Variants in IRS2 observed in about 807,000 individuals in gnomAD.
The protein encoded by IRS2 is insulin receptor substrate 2.
IRS2 carries 28 observed loss-of-function variants against 70.9 expected under a neutral mutation model. The observed-to-expected ratio is 0.39, with a 90% CI of 0.29 to 0.54. The LOEUF (loss-of-function observed/expected upper bound fraction) is 0.54. Ranked by LOEUF, IRS2 falls within the 20% of genes least tolerant of loss-of-function variation. IRS2 has a pLI of 0.59. For missense variants in IRS2, 2,081 were observed against 2,024.1 expected, an observed-to-expected ratio of 1.03 and a Z score of -0.54; for synonymous variants, 1,217 against 981.9, an observed-to-expected ratio of 1.24 and a Z score of -4.48.
chr13:109,784,683 G>C lies in IRS2; in HGVS notation c.1371C>G (p.Gly457=), dbSNP rs1877857549. The change falls in exon 1 of 2, where the codon GGC becomes GGG. Residue 457 remains glycine (G), a synonymous_variant. Coordinates refer to ENST00000375856, the MANE Select transcript of IRS2 (RefSeq NM_003749.3). This position sits in a 1 kb window ranked among gnomAD's most constrained non-coding sequence, Gnocchi z 5.2. ...GCGGGCCGGGCGGCGGCGGGTAGGA[G>C]CCCGAGCCGTGGCCGCTGCTGGACG... ...SLSSSSGHGS[G]SYPPPPGPHP... The C allele has an allele frequency of 5.6e-6, 7 of 1,239,452 alleles. No homozygotes were observed. Among genetic ancestry groups the C allele is most frequent in the Non-Finnish European group, 7.0e-6 (7 of 994,614 alleles). 76.8% of individuals were successfully genotyped at this position (1,239,452 alleles called of 1,614,324 possible). A position where few individuals can be genotyped will look rare whatever the true frequency, so the allele number is the denominator to read the frequency against.
In IRS2 at chr13:109,783,090, A is replaced by T. The variant is rs1369325456; in HGVS notation, c.2964T>A (p.Ser988=). ...GGCCGCTCGGGGCGCCCGGCTTAGG[A>T]GACTTGGGGGAGCTGAAGTCGAGGT... ...YMNLDFSSPK[S]PKPGAPSGHP... Residue 988 remains serine, a synonymous_variant, in exon 1 of 2, where the codon TCT becomes TCA. Transcript: ENST00000375856. The T allele has an allele frequency of 3.6e-6, 5 of 1,389,286 alleles. No individual in the cohort carries two copies. The highest frequency in any genetic ancestry group is 4.6e-6 in the Non-Finnish European group (5 of 1,078,670). The allele number at this position is 1,389,286 out of a possible 1,614,324, so 86.1% of individuals were successfully genotyped here.
Position 109,784,469 on chromosome 13 carries a change from G to T in IRS2, c.1585C>A (p.Pro529Thr). Residue 529 changes from proline (P) to threonine (T), a missense_variant, in exon 1 of 2, where the codon CCG becomes ACG. Physicochemically the swap from Pro to Thr is conservative, Grantham distance 38. Transcript: ENST00000375856. This position sits in a 1 kb window ranked among gnomAD's most constrained non-coding sequence, Gnocchi z 5.2. ...NTPESIAETP[P>T]ARDGGGGGEF... ...CCGCCGCCGCCGCCGTCTCGGGCCG[G>T]GGGCGTCTCCGCGATGGACTCGGGC... 2 of 1,582,312 alleles carry T rather than the reference G, an allele frequency of 1.3e-6. No individual in the cohort carries two copies. Among genetic ancestry groups the T allele is most frequent in the Non-Finnish European group, 1.7e-6 (2 of 1,161,650 alleles).
chr13:109,774,293 A>G (rs1362005903), intron 1 of IRS2, among the ~76,000 whole-genome samples: 1 of 152,216 alleles, frequency 6.6e-6, no homozygotes, highest in Non-Finnish European at 1.5e-5. Context: ...GAACAGATCC[A>G]TCACCAACTT....
intron 1 of IRS2, among the ~76,000 whole-genome samples, chr13:109,771,261 G>T (rs1272238134): frequency 6.6e-6 from 1 of 151,740 alleles, no homozygotes; most frequent in Non-Finnish European, 1.5e-5. Context: ...ATCTAAAAGG[G>T]TTTTGTGTAG....
chr13:109,784,028 T>C lies in IRS2; in HGVS notation c.2026A>G (p.Met676Val). The C allele has an allele frequency of 6.5e-7, 1 of 1,539,564 alleles. No individual in the cohort carries two copies. Residue 676 changes from methionine to valine, a missense_variant, in exon 1 of 2, where the codon ATG becomes GTG. By Grantham distance (21) the Met-to-Val change is conservative. Transcript: ENST00000375856. This position sits in a 1 kb window ranked among gnomAD's most constrained non-coding sequence, Gnocchi z 5.2. ...GSGSCRSDDY[M>V]PMSPASVSAP... ...GACACGCTGGCGGGGCTCATGGGCA[T>C]GTAGTCGTCGCTCCTGCAGCTGCCG...
chr13:109,785,174 G>A lies in IRS2; in HGVS notation c.880C>T (p.Leu294Phe). The change falls in exon 1 of 2, where the codon CTC (leucine) becomes TTC (phenylalanine). Residue 294 changes from leucine to phenylalanine, a missense_variant. Coordinates refer to ENST00000375856, the MANE Select transcript of IRS2 (RefSeq NM_003749.3). This position sits in a 1 kb window ranked among gnomAD's most constrained non-coding sequence, Gnocchi z 9.3. Reference sequence around the variant, plus strand: ...GGCCGGAACTCGAAGAGCTCCTTGAGCGCCTTCATGGCCTCCAGGATGGTC... The same window carrying A: ...GGCCGGAACTCGAAGAGCTCCTTGAACGCCTTCATGGCCTCCAGGATGGTC... ...HETILEAMKA[L>F]KELFEFRPRS... 1 of 1,601,152 alleles carries A rather than the reference G, an allele frequency of 6.2e-7. No homozygotes were observed. Among genetic ancestry groups the A allele is most frequent in the South Asian group, 1.1e-5 (1 of 89,154 alleles).
At chr13:109,779,266 G>A (rs1339649116) in intron 1 of IRS2, among the ~76,000 whole-genome samples, 1 of 152,170 alleles carries the variant, frequency 6.6e-6, no homozygotes, top group Non-Finnish European at 1.5e-5. Context: ...CATCACTAAC[G>A]AGGTCTTCCC....
chr13:109,778,863 A>T (rs1877635901), intron 1 of IRS2, among the ~76,000 whole-genome samples: 1 of 152,220 alleles, frequency 6.6e-6, no homozygotes, highest in African/African-American at 2.4e-5. Flanking sequence ...TATGGCATTC[A>T]TCAATCTACC....
intron 1 of IRS2, among the ~76,000 whole-genome samples, chr13:109,769,926 C>G (rs1481566721): frequency 6.6e-6 from 1 of 152,134 alleles, no homozygotes; most frequent in Admixed American, 6.5e-5. Context: ...CCTTTCTGCC[C>G]CCAACTTTCT....
intron 1 of IRS2, among the ~76,000 whole-genome samples, chr13:109,781,430 C>T (rs966052509): frequency 2.0e-5 from 3 of 152,230 alleles, no homozygotes; most frequent in African/African-American, 4.8e-5. Flanking sequence ...TACCGTTTCA[C>T]CCCTTCCGAG....
chr13:109,773,448 G>A (rs1271001472), intron 1 of IRS2, among the ~76,000 whole-genome samples: 1 of 152,154 alleles, frequency 6.6e-6, no homozygotes, highest in Non-Finnish European at 1.5e-5. Flanking sequence ...GACACAGAGA[G>A]CAGTGACCGA....
chr13:109,784,005 C>T lies in IRS2; in HGVS notation c.2049G>A (p.Val683=), dbSNP rs1471570028. ...GCTGCAAGATCTGCTTGGGGGCGGA[C>T]ACGCTGGCGGGGCTCATGGGCATGT... is the stretch of plus-strand genomic sequence containing the variant. ...DDYMPMSPAS[V]SAPKQILQPR... is the part of the protein sequence containing the mutation. The change falls in exon 1 of 2, where the codon GTG becomes GTA. Residue 683 remains valine, a synonymous_variant. Coordinates refer to ENST00000375856, the MANE Select transcript of IRS2 (RefSeq NM_003749.3). This position sits in a 1 kb window ranked among gnomAD's most constrained non-coding sequence, Gnocchi z 5.2. The T allele has an allele frequency of 6.5e-7, 1 of 1,534,362 alleles. No individual in the cohort carries two copies.
At chr13:109,766,919 T>C (rs891660991) in intron 1 of IRS2, among the ~76,000 whole-genome samples, 32 of 152,272 alleles carry the variant, frequency 2.1e-4, no homozygotes, top group African/African-American at 7.2e-4. Context: ...TCTATAAAGT[T>C]ACTCAAAAAC....
rs71439381 is a variant in IRS2, at chr13:109,766,132, G to T, written c.4013-9824C>A. Reference sequence around the variant, plus strand: ...TCCCAGCCTCATCCACCTTGGCTCCGACTCCCCACCAAGCATGTAGATATC... The same window carrying T: ...TCCCAGCCTCATCCACCTTGGCTCCTACTCCCCACCAAGCATGTAGATATC... On this transcript the variant is annotated intron_variant, in intron 1 of 1. Transcript: ENST00000375856. Among the ~76,000 whole-genome samples, 40 of 9,320 alleles carry T rather than the reference G, an allele frequency of 4.3e-3. 4 individuals are homozygous for T. The highest frequency in any genetic ancestry group is 6.6e-3 in the Admixed American group (4 of 604). The allele number at this position is 9,320 out of a possible 152,430, so 6.1% of individuals were successfully genotyped here.
chr13:109,783,626 AGG>A lies in IRS2; in HGVS notation c.2426_2427del (p.Ser809LeufsTer64), dbSNP rs1566413262. On this transcript the variant is annotated frameshift_variant, in exon 1 of 2. Coordinates refer to ENST00000375856, the MANE Select transcript of IRS2 (RefSeq NM_003749.3). LOFTEE classifies it high-confidence loss of function. ...PGCCYSSLPR[S>X]YKAPYTCGGD... ...CCGCCACAGGTGTAGGGGGCCTTGT[AGG>A]AGCGGGGCAAGGAGCTGTAGCAGCA... 6.5e-7 allele frequency: 1 copy of A among 1,549,846 alleles called. No homozygotes were observed. Among genetic ancestry groups the A allele is most frequent in the Admixed American group, 1.9e-5 (1 of 51,474 alleles).
chr13:109,756,923 G>A lies in IRS2; in HGVS notation c.4013-615C>T, dbSNP rs1005779845. Among the ~76,000 whole-genome samples the A allele has an allele frequency of 4.6e-5, 7 of 152,094 alleles. No homozygotes were observed. The East Asian group carries it at 9.6e-4, about 21-fold the overall frequency. On this transcript the variant is annotated intron_variant, in intron 1 of 1. Coordinates refer to ENST00000375856, the MANE Select transcript of IRS2 (RefSeq NM_003749.3). ...GCCCAGCAATGGAAGGTTCCTGCAC[G>A]GCCTCATGTGTTGTTGCATAACCCT...
chr13:109,767,987 T>TCC (rs1291198387), intron 1 of IRS2, among the ~76,000 whole-genome samples: 3 of 152,224 alleles, frequency 2.0e-5, no homozygotes, highest in African/African-American at 7.2e-5. Flanking sequence ...AGCCTTGGTC[T>TCC]CCCAAAGTGC....
chr13:109,770,270 G>T (rs556611679), intron 1 of IRS2, among the ~76,000 whole-genome samples: 1 of 152,174 alleles, frequency 6.6e-6, no homozygotes, highest in Non-Finnish European at 1.5e-5. Context: ...AGCCTTTGGG[G>T]CTGCCTACAA....
intron 1 of IRS2, among the ~76,000 whole-genome samples, chr13:109,764,984 G>C (rs1393974959): frequency 6.6e-6 from 1 of 152,196 alleles, no homozygotes; most frequent in Non-Finnish European, 1.5e-5. Flanking sequence ...CTGAGGACAG[G>C]ACAAAATGCC....
Sources: allele counts gnomAD v4.1 joint callset (sites outside exome capture counted in the v4.1 genomes callset), GRCh38; gene constraint gnomAD v4.1.1; non-coding constraint Gnocchi (gnomAD v3.1); transcripts MANE v1.5; gene names NCBI Gene and HGNC (gene_info 2026-07-23, HGNC 2026-07-21).